The following ATP6V0D2 variants were observed in gnomAD, a reference collection of about 807,000 sequenced individuals.
ATP6V0D2 encodes the protein ATPase H+ transporting V0 subunit d2.
In ATP6V0D2, 40 loss-of-function variants were observed where a neutral mutation model predicts 40.0. That is an observed-to-expected ratio of 1.00 (90% CI 0.78 to 1.30). ATP6V0D2 has a LOEUF of 1.30. Ranked by LOEUF, ATP6V0D2 falls within the 50% of genes most tolerant of loss-of-function variation. ATP6V0D2 has a pLI of 0.00. For synonymous variants in ATP6V0D2, 179 were observed against 156.3 expected (o/e 1.15, Z -1.08); for missense variants, 470 against 423.1 (o/e 1.11, Z -0.97).
chr8:86,143,256 C>T (rs75878319), intron 5 of ATP6V0D2, among the ~76,000 whole-genome samples: 20,104 of 152,088 alleles, frequency 0.13, 1,759 homozygotes, highest in East Asian at 0.32. Context: ...AGATTGTAAA[C>T]AATAACAAAT....
intron 5 of ATP6V0D2, among the ~76,000 whole-genome samples, chr8:86,144,969 A>G (rs1468402495): frequency 1.3e-5 from 2 of 148,860 alleles, no homozygotes; most frequent in Non-Finnish European, 3.0e-5. Flanking sequence ...AGCCTGGCCA[A>G]CATGGTGAAA....
At chr8:86,152,767 A>C in intron 7 of ATP6V0D2, 49 bp from the exon 8 acceptor site, 2 of 1,534,812 alleles carry the variant, frequency 1.3e-6, no homozygotes, top group Non-Finnish European at 1.8e-6. Context: ...ATTATTCCAT[A>C]ATGTTCCAAA....
chr8:86,141,622 C>A (rs777609100), intron 4 of ATP6V0D2, 93 bp downstream of exon 4: 2 of 853,212 alleles, frequency 2.3e-6, no homozygotes, highest in Non-Finnish European at 3.5e-6. Flanking sequence ...CATTAACCAA[C>A]TTCTGCAATT....
At position 86,141,495 on chromosome 8, in the gene ATP6V0D2, T is replaced by G; in HGVS notation, c.527T>G (p.Leu176Arg). ...ATGTCTGAAAATGCTCTAGATGAAC[T>G]GAATATTGAATTGCTACGCAATAAA... ...DCMSENALDE[L>R]NIELLRNKLY... Residue 176 changes from leucine to arginine, a missense_variant, in exon 4 of 8, where the codon CTG becomes CGG. Transcript: ENST00000285393. 3 of 1,609,592 alleles carry G rather than the reference T, an allele frequency of 1.9e-6. No homozygotes were observed. The highest frequency in any genetic ancestry group is 2.5e-6 in the Non-Finnish European group (3 of 1,177,282).
chr8:86,117,235 G>A (rs1818602014), intron 2 of ATP6V0D2, among the ~76,000 whole-genome samples: 1 of 152,044 alleles, frequency 6.6e-6, no homozygotes, highest in African/African-American at 2.4e-5. Flanking sequence ...TGCCTTCTGG[G>A]TATTTTATTG....
chr8:86,100,698 C>T (rs762180540), intron 1 of ATP6V0D2, among the ~76,000 whole-genome samples: 6 of 152,026 alleles, frequency 3.9e-5, no homozygotes, highest in Non-Finnish European at 7.3e-5. Context: ...ACGTCGGTCA[C>T]GTATAGAAAA....
chr8:86,137,091 C>T (rs1180738534), intron 2 of ATP6V0D2, among the ~76,000 whole-genome samples: 1 of 152,126 alleles, frequency 6.6e-6, no homozygotes, highest in Non-Finnish European at 1.5e-5. Flanking sequence ...GGTCAGCTTG[C>T]AGCATGAACT....
At chr8:86,126,192 C>T (rs993434886) in intron 2 of ATP6V0D2, among the ~76,000 whole-genome samples, 8 of 139,878 alleles carry the variant, frequency 5.7e-5, no homozygotes, top group Non-Finnish European at 1.1e-4. Flanking sequence ...CTGCCTCAGC[C>T]TCCCAAAGTG....
chr8:86,132,395 C>T (rs887438285), intron 2 of ATP6V0D2, among the ~76,000 whole-genome samples: 1 of 152,072 alleles, frequency 6.6e-6, no homozygotes, highest in Non-Finnish European at 1.5e-5. Context: ...AGTCACTCTG[C>T]TCTTATGTCT....
At chr8:86,119,922 G>T (rs1458900793) in intron 2 of ATP6V0D2, among the ~76,000 whole-genome samples, 2 of 152,118 alleles carry the variant, frequency 1.3e-5, no homozygotes, top group East Asian at 3.9e-4. Context: ...ATAGAATCCT[G>T]CATTCAGCAG....
chr8:86,152,534 C>T (rs957819401), intron 7 of ATP6V0D2, among the ~76,000 whole-genome samples: 3 of 152,166 alleles, frequency 2.0e-5, no homozygotes, highest in Non-Finnish European at 4.4e-5. Context: ...ATTTACACTC[C>T]CACTAACAGT....
At chr8:86,118,337 G>GTGC (rs1232713075) in intron 2 of ATP6V0D2, among the ~76,000 whole-genome samples, 2 of 151,744 alleles carry the variant, frequency 1.3e-5, no homozygotes, top group Admixed American at 1.3e-4. Context: ...GACTTTCAAA[G>GTGC]TGCTGGGATT....
chr8:86,128,373 A>G (rs1818774838), intron 2 of ATP6V0D2, among the ~76,000 whole-genome samples: 1 of 152,116 alleles, frequency 6.6e-6, no homozygotes, highest in Non-Finnish European at 1.5e-5. Context: ...AAACAAACAA[A>G]CAAACAATAA....
At chr8:86,128,607 A>G (rs1818776957) in intron 2 of ATP6V0D2, among the ~76,000 whole-genome samples, 1 of 152,254 alleles carries the variant, frequency 6.6e-6, no homozygotes, top group Non-Finnish European at 1.5e-5. Context: ...ATTACTGATT[A>G]CATTTCCAAA....
chr8:86,121,444 C>A (rs913903999), intron 2 of ATP6V0D2, among the ~76,000 whole-genome samples: 1 of 152,086 alleles, frequency 6.6e-6, no homozygotes, highest in Admixed American at 6.6e-5. Context: ...GGGGCGCATG[C>A]CTGTAGTCCT....
At chr8:86,114,968 G>A (rs1818574489) in intron 2 of ATP6V0D2, among the ~76,000 whole-genome samples, 1 of 152,150 alleles carries the variant, frequency 6.6e-6, no homozygotes, top group Admixed American at 6.5e-5. Context: ...ATGAAAAAAT[G>A]CTGCATAGTA....
chr8:86,149,055 G>GA (rs1376369799), intron 5 of ATP6V0D2, among the ~76,000 whole-genome samples: 1,220 of 110,076 alleles, frequency 0.011, 46 homozygotes, highest in South Asian at 0.045. Context: ...TCCAAAGGAA[G>GA]AAAAAAAAAA....
rs1818996576 is a variant in ATP6V0D2, at chr8:86,142,958, A to C, written c.639+4A>C. 1 of 1,599,192 alleles carries C rather than the reference A, an allele frequency of 6.3e-7. No homozygotes were observed. Among genetic ancestry groups the C allele is most frequent in the Admixed American group, 1.7e-5 (1 of 59,194 alleles). ...AGTTATGTGTCCCATTCTTGAGGTA[A>C]GAAAGAGTCCTTGAATTTTGTTATG... On this transcript the variant is annotated splice_donor_region_variant and intron_variant, in intron 5 of 7. Transcript: ENST00000285393.
intron 5 of ATP6V0D2, among the ~76,000 whole-genome samples, chr8:86,149,052 G>GAAAAAAAAAAAAAAAAA (rs1166858589): frequency 2.9e-5 from 2 of 68,994 alleles, no homozygotes; most frequent in African/African-American, 6.6e-5. Context: ...ATCTCCAAAG[G>GAAAAAAAAAAAAAAAAA]AAGAAAAAAA....
Sources: gnomAD v4.1 joint callset for allele counts (sites outside exome capture counted in the v4.1 genomes callset) on GRCh38, gnomAD v4.1.1 for gene constraint, MANE v1.5 for transcripts, NCBI Gene and HGNC (gene_info 2026-07-23, HGNC 2026-07-21) for gene names.